Variants in KALRN observed in about 807,000 individuals in gnomAD.
The protein encoded by KALRN is kalirin RhoGEF kinase, also known as kalirin.
KALRN carries 70 observed loss-of-function variants against 353.7 expected under a neutral mutation model. The ratio of observed to expected loss-of-function variants is 0.20; its 90% CI spans 0.16 to 0.24. The LOEUF is 0.24. Ranked by LOEUF, KALRN falls within the 10% of genes least tolerant of loss-of-function variation. The pLI is 1.00. For synonymous variants in KALRN, 1,391 were observed against 1,434.8 expected (o/e 0.97, Z 0.69); for missense variants, 2,791 against 3,756.7 (o/e 0.74, Z 6.72).
chr3:124,701,100 A>T (rs2062304011), intron 56 of KALRN, among the ~76,000 whole-genome samples: 1 of 152,118 alleles, frequency 6.6e-6, no homozygotes, highest in African/African-American at 2.4e-5. Context: ...CAGGCTGCTC[A>T]CTTGCTCCAG....
At chr3:124,207,945 C>G (rs1373612) in intron 1 of KALRN, among the ~76,000 whole-genome samples, 10,159 of 152,216 alleles carry the variant, frequency 0.067, 314 homozygotes, top group East Asian at 0.095. Flanking sequence ...AAGTGATCAC[C>G]AGTGGGGCAG....
intron 1 of KALRN, among the ~76,000 whole-genome samples, chr3:124,121,237 T>C (rs984555264): frequency 3.3e-5 from 5 of 152,208 alleles, no homozygotes; most frequent in African/African-American, 1.2e-4. Flanking sequence ...CTTCTATTAG[T>C]AGACTAGAGA....
At chr3:124,449,014 T>G (rs963915065) in intron 21 of KALRN, among the ~76,000 whole-genome samples, 1 of 152,238 alleles carries the variant, frequency 6.6e-6, no homozygotes, top group Non-Finnish European at 1.5e-5. Flanking sequence ...TGGTTATTCA[T>G]ATTAGAATAT....
At chr3:124,610,281 T>C (rs2077787571) in intron 34 of KALRN, among the ~76,000 whole-genome samples, 1 of 152,168 alleles carries the variant, frequency 6.6e-6, no homozygotes, top group Admixed American at 6.5e-5. Flanking sequence ...ACTGAAAAGA[T>C]AGTCTATTAC....
intron 39 of KALRN, among the ~76,000 whole-genome samples, chr3:124,655,874 G>T (rs1191968380): frequency 6.6e-6 from 1 of 152,204 alleles, no homozygotes; most frequent in Non-Finnish European, 1.5e-5. Context: ...GGAAGTAGTG[G>T]CCTGAATGTT....
intron 34 of KALRN, among the ~76,000 whole-genome samples, chr3:124,625,700 TTATCTC>T (rs1196633627): frequency 7.8e-6 from 1 of 127,570 alleles, no homozygotes; most frequent in Non-Finnish European, 1.6e-5. Flanking sequence ...ATATATCTAT[TTATCTC>T]TATATCCCCA....
chr3:124,561,452 C>T (rs914848910), intron 33 of KALRN, among the ~76,000 whole-genome samples: 5 of 152,184 alleles, frequency 3.3e-5, no homozygotes, highest in African/African-American at 9.7e-5. Context: ...CCGTTTCAAG[C>T]CCCCTCTGAT....
At chr3:124,212,060 C>T (rs866075255) in intron 1 of KALRN, among the ~76,000 whole-genome samples, 2 of 151,986 alleles carry the variant, frequency 1.3e-5, no homozygotes, top group Admixed American at 6.6e-5. Context: ...ATTTAAGAGA[C>T]CAAAGCGGCA....
At chr3:124,402,074 A>G (rs567280485) in intron 13 of KALRN, among the ~76,000 whole-genome samples, 1 of 152,242 alleles carries the variant, frequency 6.6e-6, no homozygotes, top group African/African-American at 2.4e-5. Context: ...ATTACTGAAC[A>G]CTGGAGGAGG....
intron 26 of KALRN, 109 bp from the exon 27 acceptor site, chr3:124,477,136 C>T: frequency 1.6e-6 from 1 of 643,070 alleles, no homozygotes; most frequent in Non-Finnish European, 2.7e-6. Flanking sequence ...AATCTAGACA[C>T]TGGTGTCTGA....
intron 34 of KALRN, among the ~76,000 whole-genome samples, chr3:124,606,316 T>C (rs537623158): frequency 8.5e-5 from 13 of 152,316 alleles, no homozygotes; most frequent in East Asian, 5.8e-4. Context: ...GGAGTCCTCA[T>C]TGGTGACCCA....
At chr3:124,462,835 A>G (rs1160773601) in intron 25 of KALRN, among the ~76,000 whole-genome samples, 1 of 152,212 alleles carries the variant, frequency 6.6e-6, no homozygotes, top group African/African-American at 2.4e-5. Context: ...TCAAGTATTC[A>G]GCAGTGCTCC....
At chr3:124,226,542 C>T (rs542763842) in intron 1 of KALRN, among the ~76,000 whole-genome samples, 24 of 152,242 alleles carry the variant, frequency 1.6e-4, no homozygotes, top group Admixed American at 4.6e-4. Flanking sequence ...AAGAAATAGG[C>T]AAAATGGTCA....
intron 6 of KALRN, among the ~76,000 whole-genome samples, chr3:124,315,766 A>G (rs2078747410): frequency 6.6e-6 from 1 of 152,194 alleles, no homozygotes; most frequent in Non-Finnish European, 1.5e-5. Flanking sequence ...AAGCTGACTT[A>G]TGCCTTTCTT....
intron 33 of KALRN, among the ~76,000 whole-genome samples, chr3:124,542,336 A>G (rs944536564): frequency 2.6e-5 from 4 of 152,218 alleles, no homozygotes; most frequent in Non-Finnish European, 5.9e-5. Context: ...TTGAGCCTCA[A>G]ATTTCTGTTG....
At chr3:124,090,638 A>G (rs1334821029) in intron 1 of KALRN, among the ~76,000 whole-genome samples, 4 of 152,060 alleles carry the variant, frequency 2.6e-5, no homozygotes, top group Non-Finnish European at 4.4e-5. Context: ...CTCCCTCCCT[A>G]TTGGACTCTC....
At chr3:124,163,667 A>T (rs545880650) in intron 1 of KALRN, 1 of 984,784 alleles carries the variant, frequency 1.0e-6, no homozygotes, top group East Asian at 1.1e-4. Flanking sequence ...TAGAAGAATA[A>T]ATGTATAAAT....
chr3:124,085,074 C>G (rs533689652), intron 1 of KALRN, among the ~76,000 whole-genome samples: 1 of 152,316 alleles, frequency 6.6e-6, no homozygotes, highest in Non-Finnish European at 1.5e-5. Flanking sequence ...CTTCCCCCAC[C>G]TGATGCATAA....
chr3:124,346,560 G>A (rs537025639), intron 9 of KALRN, among the ~76,000 whole-genome samples: 25 of 152,304 alleles, frequency 1.6e-4, no homozygotes, highest in African/African-American at 4.8e-4. Context: ...TTGGAGGAGG[G>A]AGATGGAAAG....
Sources: allele counts gnomAD v4.1 joint callset (sites outside exome capture counted in the v4.1 genomes callset), GRCh38; gene constraint gnomAD v4.1.1; transcripts MANE v1.5; gene names NCBI Gene and HGNC (gene_info 2026-07-23, HGNC 2026-07-21).